The following DIS3L2 variants were observed in gnomAD, a reference collection of about 807,000 sequenced individuals.
The protein encoded by DIS3L2 is DIS3 like 3'-5' exoribonuclease 2.
Under a neutral mutation model 97.5 loss-of-function variants are expected in DIS3L2, and 34 were observed. The observed-to-expected ratio is 0.35, with a 90% confidence interval of 0.27 to 0.46. DIS3L2 has a LOEUF of 0.46. Among genes scored for constraint, DIS3L2 ranks in the 20% least tolerant of loss-of-function variants. The pLI, the probability that DIS3L2 is intolerant of heterozygous loss-of-function variation, is 1.00. For synonymous variants in DIS3L2, 435 were observed against 445.2 expected (o/e 0.98, Z 0.29); for missense variants, 1,038 against 1,146.0 (o/e 0.91, Z 1.36).
intron 5 of DIS3L2, among the ~76,000 whole-genome samples, chr2:232,039,049 A>G (rs1366873954): frequency 6.6e-6 from 1 of 151,986 alleles, no homozygotes; most frequent in Non-Finnish European, 1.5e-5. Context: ...GTTCCTTATT[A>G]TTTTGTTTCT....
intron 1 of DIS3L2, among the ~76,000 whole-genome samples, chr2:232,002,410 A>G (rs1034169741): frequency 6.6e-6 from 1 of 152,158 alleles, no homozygotes. Flanking sequence ...GAAAAATGTC[A>G]TGGAATTTTG....
At chr2:232,119,787 G>A (rs1478317544) in intron 6 of DIS3L2, among the ~76,000 whole-genome samples, 1 of 152,190 alleles carries the variant, frequency 6.6e-6, no homozygotes, top group Non-Finnish European at 1.5e-5. Flanking sequence ...CAAGGCTCAG[G>A]TCCAACTCAG....
intron 14 of DIS3L2, among the ~76,000 whole-genome samples, chr2:232,315,281 T>G (rs945190087): frequency 6.6e-6 from 1 of 152,188 alleles, no homozygotes; most frequent in Non-Finnish European, 1.5e-5. Flanking sequence ...CAAATGTCTC[T>G]GCTGTAAAAA....
downstream of DIS3L2, among the ~76,000 whole-genome samples, chr2:232,342,186 T>C (rs1373075280): frequency 6.7e-6 from 1 of 148,586 alleles, no homozygotes; most frequent in African/African-American, 2.6e-5. Flanking sequence ...TATACACGTA[T>C]ACATATATAC....
intron 10 of DIS3L2, among the ~76,000 whole-genome samples, chr2:232,229,898 C>A (rs1574959786): frequency 6.6e-6 from 1 of 152,132 alleles, no homozygotes; most frequent in East Asian, 1.9e-4. Flanking sequence ...AGAAGAAAAT[C>A]CAGACTCTTC....
downstream of DIS3L2, among the ~76,000 whole-genome samples, chr2:232,338,593 G>A (rs1408517210): frequency 6.6e-6 from 1 of 151,236 alleles, no homozygotes; most frequent in Non-Finnish European, 1.5e-5. Flanking sequence ...GCAAGGTTGT[G>A]CCCAGCCAGG....
At chr2:232,299,887 T>A (rs1694812768) in intron 13 of DIS3L2, among the ~76,000 whole-genome samples, 153 bp from the exon 14 acceptor site, 1 of 152,260 alleles carries the variant, frequency 6.6e-6, no homozygotes, top group African/African-American at 2.4e-5. Flanking sequence ...TTGTAAGGTG[T>A]GGGCTCTTCC....
chr2:232,329,785 T>TCCCGGGGGGGCGCC, intron 14 of DIS3L2, 28 bp from the exon 15 acceptor site: 2 of 967,142 alleles, frequency 2.1e-6, no homozygotes, highest in South Asian at 2.1e-5. Context: ...ACCCCAGCGG[T>TCCCGGGGGGGCGCC]CCCTCCCATC....
chr2:232,248,995 C>T (rs1445236360), intron 11 of DIS3L2, among the ~76,000 whole-genome samples: 1 of 152,194 alleles, frequency 6.6e-6, no homozygotes, highest in African/African-American at 2.4e-5. Flanking sequence ...ACATTGCTTG[C>T]ATTGTACTTT....
intron 1 of DIS3L2, among the ~76,000 whole-genome samples, chr2:231,993,503 C>T (rs562254176): frequency 1.8e-4 from 28 of 152,274 alleles, no homozygotes; most frequent in African/African-American, 6.7e-4. Flanking sequence ...TGTGAGCCAC[C>T]GCGCCTGGCT....
At chr2:232,122,757 C>T (rs1451449795) in intron 6 of DIS3L2, among the ~76,000 whole-genome samples, 1 of 151,968 alleles carries the variant, frequency 6.6e-6, no homozygotes, top group African/African-American at 2.4e-5. Context: ...GAGACAACAA[C>T]AACAACAACA....
chr2:232,328,377 T>A (rs954328832), intron 14 of DIS3L2: 8 of 152,318 alleles, frequency 5.3e-5, no homozygotes, highest in African/African-American at 1.9e-4. Flanking sequence ...CTTCTTCCTC[T>A]GCATCTCAGG....
chr2:232,292,936 G>A lies in DIS3L2; in HGVS notation c.1660-7104G>A, dbSNP rs953237304. Reference sequence around the variant, plus strand: ...GTCCACCCAGGGAAGCCTGTTCCTGGGGAAAGGATTGGGTAGTGGTGAGCT... The same window carrying A: ...GTCCACCCAGGGAAGCCTGTTCCTGAGGAAAGGATTGGGTAGTGGTGAGCT... On this transcript the variant is annotated intron_variant, in intron 13 of 20. Transcript: ENST00000325385. This position sits in a 1 kb window ranked among gnomAD's most constrained non-coding sequence, Gnocchi z 4.4. Among the ~76,000 whole-genome samples the A allele has an allele frequency of 4.6e-5, 7 of 152,138 alleles. No individual in the cohort carries two copies. The highest frequency in any genetic ancestry group is 8.8e-5 in the Non-Finnish European group (6 of 68,020).
At chr2:231,980,610 A>G (rs772826819) in intron 1 of DIS3L2, among the ~76,000 whole-genome samples, 2 of 152,158 alleles carry the variant, frequency 1.3e-5, no homozygotes, top group African/African-American at 2.4e-5. Flanking sequence ...AGGCAGGAGA[A>G]TCACTTGAAC....
At chr2:232,336,256 A>C (rs1376890544) in intron 20 of DIS3L2, 1 of 1,543,892 alleles carries the variant, frequency 6.5e-7, no homozygotes, top group East Asian at 2.5e-5. Context: ...TGTGTTTCAT[A>C]AGCCTTGGGA....
At chr2:232,165,509 C>T (rs1690776420) in intron 9 of DIS3L2, among the ~76,000 whole-genome samples, 2 of 152,132 alleles carry the variant, frequency 1.3e-5, no homozygotes, top group Admixed American at 1.3e-4. Flanking sequence ...ATTTTGCATA[C>T]TGCCATACTA....
chr2:232,335,308 A>C lies in DIS3L2; in HGVS notation c.2395-465A>C, dbSNP rs367614602. ...GTACAGTGTCCAGCCCGTTGTGTGC[A>C]GTAAACGTGGTGTTCATAACCGGGA... On this transcript the variant is annotated intron_variant, in intron 19 of 20. Transcript: ENST00000325385. The C allele has an allele frequency of 7.5e-5, 15 of 199,480 alleles. No individual in the cohort carries two copies. In the East Asian group the frequency reaches 1.5e-3, roughly 20 times the overall value. 12.4% of individuals were successfully genotyped at this position (199,480 alleles called of 1,614,324 possible).
At chr2:232,195,981 A>G (rs958508906) in intron 9 of DIS3L2, among the ~76,000 whole-genome samples, 2 of 152,204 alleles carry the variant, frequency 1.3e-5, no homozygotes, top group Non-Finnish European at 2.9e-5. Flanking sequence ...AATTCCTCCT[A>G]AAGTTAGTTC....
At chr2:232,169,254 T>C (rs1054688131) in intron 9 of DIS3L2, among the ~76,000 whole-genome samples, 1 of 152,178 alleles carries the variant, frequency 6.6e-6, no homozygotes, top group Non-Finnish European at 1.5e-5. Flanking sequence ...TTAATATACA[T>C]TTTGTAAACT....
Sources: allele counts gnomAD v4.1 joint callset (sites outside exome capture counted in the v4.1 genomes callset), GRCh38; gene constraint gnomAD v4.1.1; non-coding constraint Gnocchi (gnomAD v3.1); transcripts MANE v1.5; gene names NCBI Gene and HGNC (gene_info 2026-07-23, HGNC 2026-07-21).